Variants in ARK2C observed in about 807,000 individuals in gnomAD.
ARK2C encodes arkadia (RNF111) C-terminal like ring finger ubiquitin ligase 2C.
At chr18:46,394,443 C>T in the ARK2C span, among the ~76,000 whole-genome samples, 1 of 152,178 alleles carries the variant, frequency 6.6e-6, no homozygotes, top group African/African-American at 2.4e-5. Context: ...CTGTCTGCTG[C>T]CTGATGCCTA....
At chr18:46,379,602 C>T in the ARK2C span, among the ~76,000 whole-genome samples, 106 of 152,366 alleles carry the variant, frequency 7.0e-4, no homozygotes, top group Middle Eastern at 6.8e-3. Context: ...AGGGCAAAGT[C>T]GCTCTTTGAA....
the ARK2C span, among the ~76,000 whole-genome samples, chr18:46,363,252 C>A: frequency 1.3e-5 from 2 of 152,110 alleles, no homozygotes; most frequent in East Asian, 3.9e-4. Flanking sequence ...TGAACGGGAC[C>A]CTGAAGATGA....
the ARK2C span, among the ~76,000 whole-genome samples, chr18:46,408,961 C>T: frequency 6.6e-6 from 1 of 152,202 alleles, no homozygotes; most frequent in East Asian, 1.9e-4. Context: ...GCAGGACCAT[C>T]TTCTATTTAA....
the ARK2C span, among the ~76,000 whole-genome samples, chr18:46,432,789 CAAAAAA>C: frequency 1.3e-5 from 2 of 152,168 alleles, no homozygotes; most frequent in Middle Eastern, 3.4e-3. Flanking sequence ...ACTAAAAATA[CAAAAAA>C]TTAGCCGGGC....
chr18:46,391,985 G>T, the ARK2C span, among the ~76,000 whole-genome samples: 1 of 149,342 alleles, frequency 6.7e-6, no homozygotes, highest in Admixed American at 6.7e-5. Context: ...AACACACCAC[G>T]TACACACATA....
chr18:46,374,176 C>T, the ARK2C span, among the ~76,000 whole-genome samples: 1 of 152,132 alleles, frequency 6.6e-6, no homozygotes, highest in African/African-American at 2.4e-5. Context: ...CCGAGAAACT[C>T]AGGGGTCAGC....
the ARK2C span, among the ~76,000 whole-genome samples, chr18:46,400,921 G>C: frequency 6.6e-6 from 1 of 152,168 alleles, no homozygotes; most frequent in Non-Finnish European, 1.5e-5. Context: ...ACTGGGCTTT[G>C]ACTGGGCAGG....
chr18:46,367,274 T>A, the ARK2C span, among the ~76,000 whole-genome samples: 3 of 152,176 alleles, frequency 2.0e-5, no homozygotes, highest in African/African-American at 7.2e-5. Flanking sequence ...AGGTATAGGG[T>A]AGACCAGATG....
chr18:46,398,994 A>C, the ARK2C span, among the ~76,000 whole-genome samples: 2 of 152,168 alleles, frequency 1.3e-5, no homozygotes, highest in African/African-American at 4.8e-5. Context: ...TGTGGCCGCC[A>C]GAGATCCTGA....
chr18:46,360,399 GACA>G, the ARK2C span, among the ~76,000 whole-genome samples: 1 of 152,236 alleles, frequency 6.6e-6, no homozygotes, highest in Non-Finnish European at 1.5e-5. Context: ...GGCCCTGCTG[GACA>G]AGCAGTTTTA....
chr18:46,390,854 T>G, the ARK2C span, among the ~76,000 whole-genome samples: 1 of 152,148 alleles, frequency 6.6e-6, no homozygotes, highest in Non-Finnish European at 1.5e-5. Context: ...TCATGGGGTG[T>G]GAGGATCAGA....
the ARK2C span, among the ~76,000 whole-genome samples, chr18:46,346,826 G>C: frequency 6.6e-6 from 1 of 152,160 alleles, no homozygotes; most frequent in Non-Finnish European, 1.5e-5. Flanking sequence ...GGGTCTTAGG[G>C]GAGTGCAAAG....
At chr18:46,402,267 ATAC>A in the ARK2C span, among the ~76,000 whole-genome samples, 4 of 152,354 alleles carry the variant, frequency 2.6e-5, no homozygotes, top group Middle Eastern at 3.4e-3. Flanking sequence ...CAGGTATTAT[ATAC>A]TATGTGCTAG....
At chr18:46,454,693 C>T in the ARK2C span, among the ~76,000 whole-genome samples, 1 of 152,218 alleles carries the variant, frequency 6.6e-6, no homozygotes, top group Non-Finnish European at 1.5e-5. Flanking sequence ...AGGTAGTCTT[C>T]ATCTTGTGAC....
chr18:46,339,807 G>A, the ARK2C span, among the ~76,000 whole-genome samples: 900 of 152,342 alleles, frequency 5.9e-3, 7 homozygotes, highest in African/African-American at 0.019. Context: ...ACCACCAAAA[G>A]TGTTGAGGCC....
At chr18:46,404,345 GTCAAGGA>G in the ARK2C span, among the ~76,000 whole-genome samples, 1 of 152,178 alleles carries the variant, frequency 6.6e-6, no homozygotes, top group South Asian at 2.1e-4. Context: ...ATGGATGTGG[GTCAAGGA>G]TAGGAAGAAG....
At chr18:46,428,520 C>T in the ARK2C span, among the ~76,000 whole-genome samples, 4 of 152,214 alleles carry the variant, frequency 2.6e-5, no homozygotes, top group African/African-American at 4.8e-5. Flanking sequence ...GGAAACTTGG[C>T]TGAAATGCTT....
At chr18:46,334,677 T>C in the ARK2C span, 1 of 221,638 alleles carries the variant, frequency 4.5e-6, no homozygotes, top group Admixed American at 7.6e-5. This position sits in a 1 kb window ranked among gnomAD's most constrained non-coding sequence, Gnocchi z 4.4. Context: ...TGACCGTGTG[T>C]GTGTGTGTGT....
the ARK2C span, among the ~76,000 whole-genome samples, chr18:46,378,252 C>T: frequency 5.3e-5 from 8 of 152,196 alleles, no homozygotes; most frequent in Non-Finnish European, 1.2e-4. Flanking sequence ...CATGCCCTTG[C>T]GTGCCCTAGC....
Sources: gnomAD v4.1 joint callset for allele counts (sites outside exome capture counted in the v4.1 genomes callset) on GRCh38, gnomAD v4.1.1 for gene constraint, Gnocchi (gnomAD v3.1) non-coding constraint, MANE v1.5 for transcripts, NCBI Gene and HGNC (gene_info 2026-07-23, HGNC 2026-07-21) for gene names.